MSRA: variants seen among roughly 807,000 people sequenced by gnomAD.
MSRA encodes mitochondrial peptide methionine sulfoxide reductase.
MSRA carries 54 observed loss-of-function variants against 31.3 expected under a neutral mutation model. That is an observed-to-expected ratio of 1.73 (90% confidence interval 1.39 to 2.17). MSRA has a LOEUF of 2.17. Among genes scored for constraint, MSRA ranks in the 30% most tolerant of loss-of-function variants. The pLI is 0.00. For missense variants in MSRA, 507 were observed against 300.9 expected (o/e 1.69, Z -5.07); for synonymous variants, 169 against 116.5 (o/e 1.45, Z -2.90).
intron 5 of MSRA, among the ~76,000 whole-genome samples, chr8:10,407,738 C>T (rs1029720556): frequency 1.3e-5 from 2 of 152,100 alleles, no homozygotes; most frequent in East Asian, 1.9e-4. Context: ...GAGTGAGGCA[C>T]AGAGCAGGAA....
At chr8:10,115,038 A>C (rs1006964170) in intron 1 of MSRA, among the ~76,000 whole-genome samples, 5 of 152,236 alleles carry the variant, frequency 3.3e-5, no homozygotes, top group Non-Finnish European at 7.3e-5. Context: ...GAATGGAATA[A>C]ACCAGTGGAT....
intron 4 of MSRA, among the ~76,000 whole-genome samples, chr8:10,307,543 T>G (rs1410244045): frequency 6.6e-6 from 1 of 152,224 alleles, no homozygotes; most frequent in African/African-American, 2.4e-5. Context: ...TATATTAAAA[T>G]GCTACCATGG....
chr8:10,416,732 G>T (rs1808483407), intron 5 of MSRA, among the ~76,000 whole-genome samples: 1 of 152,202 alleles, frequency 6.6e-6, no homozygotes, highest in African/African-American at 2.4e-5. Flanking sequence ...ACCTCACATG[G>T]GATTCGGTAC....
intron 1 of MSRA, among the ~76,000 whole-genome samples, chr8:10,090,060 G>C (rs929839352): frequency 1.1e-4 from 17 of 152,178 alleles, no homozygotes; most frequent in South Asian, 4.1e-4. Context: ...CAGATCTTGG[G>C]TTACTATTGA....
chr8:10,341,907 T>C (rs1471839310), intron 5 of MSRA, among the ~76,000 whole-genome samples: 1 of 152,174 alleles, frequency 6.6e-6, no homozygotes, highest in Non-Finnish European at 1.5e-5. Flanking sequence ...CCAGCTAAGA[T>C]ACATCTAGAA....
At chr8:10,325,420 AAATGCT>A (rs1802304815) in intron 5 of MSRA, among the ~76,000 whole-genome samples, 1 of 152,172 alleles carries the variant, frequency 6.6e-6, no homozygotes, top group African/African-American at 2.4e-5. Context: ...AGTACTTACT[AAATGCT>A]AATCAAGCAG....
intron 1 of MSRA, among the ~76,000 whole-genome samples, chr8:10,142,990 T>C (rs1802836519): frequency 6.6e-6 from 1 of 152,170 alleles, no homozygotes; most frequent in African/African-American, 2.4e-5. Context: ...TTTATTTTGC[T>C]CCATTTCCCC....
intron 1 of MSRA, among the ~76,000 whole-genome samples, chr8:10,116,556 G>A (rs1417921958): frequency 6.6e-6 from 1 of 152,226 alleles, no homozygotes; most frequent in East Asian, 1.9e-4. Context: ...TAGCCATCTA[G>A]ATAAGTAGAC....
chr8:10,054,330 G>A lies in MSRA; in HGVS notation c.-187G>A, dbSNP rs567533920. On this transcript the variant is annotated 5_prime_UTR_variant, in exon 1 of 6. Transcript: ENST00000317173. ...ACACGCCCCCGGTGACAGCCGGTAC[G>A]GCCCCGGGTTTGGGCAACCTCGATT... 2.9e-5 allele frequency: 13 copies of A among 442,892 alleles called. No individual in the cohort carries two copies. Among genetic ancestry groups the A allele is most frequent in the African/African-American group, 2.7e-4 (13 of 47,912 alleles). 27.4% of individuals were successfully genotyped at this position (442,892 alleles called of 1,614,324 possible). A position where few individuals can be genotyped will look rare whatever the true frequency, so the allele number is the denominator to read the frequency against.
At chr8:10,110,234 C>T (rs1402362139) in intron 1 of MSRA, among the ~76,000 whole-genome samples, 1 of 152,178 alleles carries the variant, frequency 6.6e-6, no homozygotes, top group Non-Finnish European at 1.5e-5. Flanking sequence ...AAGGTTTGGA[C>T]TGTTTCAGTG....
At chr8:10,270,418 A>G (rs1798968861) in intron 3 of MSRA, among the ~76,000 whole-genome samples, 1 of 152,184 alleles carries the variant, frequency 6.6e-6, no homozygotes, top group African/African-American at 2.4e-5. Context: ...AAAAAAAAAA[A>G]AAAAACTATC....
chr8:10,379,329 C>G (rs1805923716), intron 5 of MSRA, among the ~76,000 whole-genome samples: 2 of 152,290 alleles, frequency 1.3e-5, no homozygotes, highest in East Asian at 3.9e-4. Flanking sequence ...ATCCAGCCAG[C>G]CCAGAACAGA....
intron 1 of MSRA, among the ~76,000 whole-genome samples, chr8:10,078,994 G>A (rs1034577576): frequency 1.2e-4 from 19 of 152,196 alleles, no homozygotes; most frequent in African/African-American, 4.6e-4. Flanking sequence ...CCGCAGGCGT[G>A]CTGGACATTC....
chr8:10,136,217 G>C (rs1014644467), intron 1 of MSRA, among the ~76,000 whole-genome samples: 2 of 152,254 alleles, frequency 1.3e-5, no homozygotes, highest in African/African-American at 4.8e-5. Flanking sequence ...GCGGTGCAGA[G>C]AGGCACATTG....
intron 5 of MSRA, among the ~76,000 whole-genome samples, chr8:10,416,608 C>G (rs1404629656): frequency 6.6e-6 from 1 of 152,228 alleles, no homozygotes; most frequent in Non-Finnish European, 1.5e-5. Flanking sequence ...TCACAGCTTA[C>G]TGGCCAAAGC....
chr8:10,351,532 G>T (rs1440729086), intron 5 of MSRA, among the ~76,000 whole-genome samples: 2 of 152,162 alleles, frequency 1.3e-5, no homozygotes, highest in African/African-American at 4.8e-5. Context: ...GATTATAGGC[G>T]TGAGCCACTG....
At chr8:10,252,949 A>G (rs1797993904) in intron 3 of MSRA, among the ~76,000 whole-genome samples, 1 of 152,230 alleles carries the variant, frequency 6.6e-6, no homozygotes. Flanking sequence ...ATACTCACGT[A>G]GGTATGAACC....
chr8:10,107,238 T>A (rs1318485101), intron 1 of MSRA, among the ~76,000 whole-genome samples: 1 of 152,054 alleles, frequency 6.6e-6, no homozygotes, highest in Non-Finnish European at 1.5e-5. Context: ...AGAACATGGA[T>A]CTTTCAGAAT....
intron 2 of MSRA, among the ~76,000 whole-genome samples, chr8:10,218,112 T>TTCTA (rs1404991529): frequency 1.9e-4 from 27 of 140,104 alleles, no homozygotes; most frequent in African/African-American, 6.6e-4. Context: ...CCGGTTCCTT[T>TTCTA]TCTATTTATT....
Sources: gnomAD v4.1 joint callset for allele counts (sites outside exome capture counted in the v4.1 genomes callset) on GRCh38, gnomAD v4.1.1 for gene constraint, MANE v1.5 for transcripts, NCBI Gene and HGNC (gene_info 2026-07-23, HGNC 2026-07-21) for gene names.